The following MSRB3 variants were observed in gnomAD, a reference collection of about 807,000 sequenced individuals.
MSRB3 encodes methionine sulfoxide reductase B3.
In MSRB3, 13 loss-of-function variants were observed where a neutral mutation model predicts 21.0. The ratio of observed to expected loss-of-function variants is 0.62; its 90% CI spans 0.40 to 0.98. The LOEUF is 0.98. MSRB3 is among the 50% of genes least tolerant of loss of function. The probability of loss-of-function intolerance (pLI) is 0.00; values close to 1 mark genes in which losing one functional copy is unlikely to be tolerated. For missense variants in MSRB3, 199 were observed against 230.3 expected, an observed-to-expected ratio of 0.86 and a Z score of 0.88; for synonymous variants, 87 against 88.6, an observed-to-expected ratio of 0.98 and a Z score of 0.10.
chr12:65,413,850 A>G (rs975591762), intron 5 of MSRB3, among the ~76,000 whole-genome samples: 1 of 152,178 alleles, frequency 6.6e-6, no homozygotes, highest in East Asian at 1.9e-4. Context: ...CACAGTTTCA[A>G]TAGGTCAGAG....
chr12:65,347,854 T>C (rs1196713552), intron 4 of MSRB3, among the ~76,000 whole-genome samples: 1 of 152,204 alleles, frequency 6.6e-6, no homozygotes, highest in Non-Finnish European at 1.5e-5. Flanking sequence ...ATGTGGTTTT[T>C]GTCGTTGGTT....
chr12:65,329,439 C>G (rs895413660), intron 4 of MSRB3, among the ~76,000 whole-genome samples: 1 of 152,026 alleles, frequency 6.6e-6, no homozygotes, highest in Non-Finnish European at 1.5e-5. Context: ...CACTTGAGGT[C>G]AGGAGTTCGA....
chr12:65,325,682 A>T (rs1358324721), intron 2 of MSRB3, among the ~76,000 whole-genome samples: 1 of 152,170 alleles, frequency 6.6e-6, no homozygotes, highest in East Asian at 1.9e-4. Context: ...TTATATTTCA[A>T]AAGAAGTTGC....
chr12:65,460,897 A>G (rs909970952), intron 6 of MSRB3, among the ~76,000 whole-genome samples: 1 of 152,186 alleles, frequency 6.6e-6, no homozygotes, highest in Non-Finnish European at 1.5e-5. Context: ...TTTTTAAAAT[A>G]TGATTTGGGA....
intron 1 of MSRB3, chr12:65,306,779 C>A: frequency 1.1e-6 from 1 of 872,812 alleles, no homozygotes; most frequent in Non-Finnish European, 1.4e-6. Flanking sequence ...ATCACACAGT[C>A]ATATCATGCT....
chr12:65,410,195 C>T (rs1311128114), intron 5 of MSRB3, among the ~76,000 whole-genome samples: 2 of 151,836 alleles, frequency 1.3e-5, no homozygotes, highest in East Asian at 1.9e-4. Context: ...TATTTATGTA[C>T]TTTATTGCTT....
intron 1 of MSRB3, among the ~76,000 whole-genome samples, chr12:65,287,154 C>T (rs567733467): frequency 2.1e-5 from 3 of 145,330 alleles, no homozygotes; most frequent in South Asian, 2.2e-4. Flanking sequence ...TTTTGGCTGC[C>T]GCCCAGGCTG....
intron 4 of MSRB3, among the ~76,000 whole-genome samples, chr12:65,353,332 G>A (rs148238916): frequency 0.042 from 6,315 of 152,118 alleles, 415 homozygotes; most frequent in African/African-American, 0.14. Flanking sequence ...GGGTGTTAAA[G>A]TCTCCCATTA....
chr12:65,440,411 A>C (rs1882317680), intron 5 of MSRB3, among the ~76,000 whole-genome samples: 1 of 151,876 alleles, frequency 6.6e-6, no homozygotes, highest in African/African-American at 2.4e-5. Flanking sequence ...TTTACAAAGA[A>C]CTGTTATCAA....
intron 5 of MSRB3, among the ~76,000 whole-genome samples, chr12:65,402,199 A>G (rs1345621995): frequency 1.3e-5 from 2 of 152,162 alleles, no homozygotes; most frequent in Admixed American, 1.3e-4. Context: ...ATTTTCCTGA[A>G]GAGTGTTTTC....
intron 5 of MSRB3, among the ~76,000 whole-genome samples, chr12:65,391,366 G>A (rs1879473158): frequency 6.6e-6 from 1 of 152,194 alleles, no homozygotes; most frequent in Non-Finnish European, 1.5e-5. Flanking sequence ...TCCTTCCCCA[G>A]AAAATGTGAG....
At chr12:65,407,737 T>C (rs58521329) in intron 5 of MSRB3, among the ~76,000 whole-genome samples, 7,512 of 152,252 alleles carry the variant, frequency 0.049, 631 homozygotes, top group African/African-American at 0.17. Context: ...CTGTTCTGTC[T>C]TTTTCACTTT....
chr12:65,308,511 G>GT lies in MSRB3; in HGVS notation c.-51-12dup, dbSNP rs759013234. On this transcript the variant is annotated splice_polypyrimidine_tract_variant and intron_variant, in intron 1 of 6. Transcript: ENST00000308259. ...ATGTTTTAATTTGATTTTTGTTTTT[G>GT]TTTTTTCTCCTACTCAGCTCTTGCC... 26 of 1,612,818 alleles carry GT rather than the reference G, an allele frequency of 1.6e-5. No individual in the cohort carries two copies. In the East Asian group the frequency reaches 4.7e-4, roughly 29 times the overall value.
chr12:65,295,148 T>G (rs1872886863), intron 1 of MSRB3, among the ~76,000 whole-genome samples: 2 of 152,228 alleles, frequency 1.3e-5, no homozygotes, highest in Admixed American at 1.3e-4. Context: ...TTTATTCACT[T>G]TTTTCTTTCA....
At chr12:65,451,070 G>A (rs929222415) in intron 5 of MSRB3, among the ~76,000 whole-genome samples, 1 of 152,156 alleles carries the variant, frequency 6.6e-6, no homozygotes, top group Non-Finnish European at 1.5e-5. Flanking sequence ...ATTGGCCAAA[G>A]TTAGCCATGA....
At chr12:65,403,978 T>C (rs1880274200) in intron 5 of MSRB3, among the ~76,000 whole-genome samples, 1 of 152,178 alleles carries the variant, frequency 6.6e-6, no homozygotes, top group African/African-American at 2.4e-5. Flanking sequence ...GGTACCTCAG[T>C]TGGAAATGCA....
chr12:65,311,593 A>C (rs1057312141), intron 2 of MSRB3, among the ~76,000 whole-genome samples: 2 of 152,112 alleles, frequency 1.3e-5, no homozygotes, highest in Non-Finnish European at 2.9e-5. Context: ...AGTCCCTATT[A>C]GTTTGTACAG....
intron 3 of MSRB3, among the ~76,000 whole-genome samples, chr12:65,328,026 A>G (rs1197207233): frequency 1.3e-5 from 2 of 152,252 alleles, no homozygotes; most frequent in Non-Finnish European, 2.9e-5. Context: ...TTGTTGGGCT[A>G]GCACAGCTGA....
At chr12:65,390,138 C>T (rs756726432) in intron 5 of MSRB3, among the ~76,000 whole-genome samples, 1 of 152,176 alleles carries the variant, frequency 6.6e-6, no homozygotes, top group Non-Finnish European at 1.5e-5. Flanking sequence ...TCTCAACTCT[C>T]TCCTTTGGGA....
Sources: allele counts gnomAD v4.1 joint callset (sites outside exome capture counted in the v4.1 genomes callset), GRCh38; gene constraint gnomAD v4.1.1; transcripts MANE v1.5; gene names NCBI Gene and HGNC (gene_info 2026-07-23, HGNC 2026-07-21).